The following CASC3 variants were observed in gnomAD, a reference collection of about 807,000 sequenced individuals.
The protein encoded by CASC3 is protein CASC3.
In CASC3, 30 loss-of-function variants were observed where a neutral mutation model predicts 80.5. The observed-to-expected ratio is 0.37, with a 90% confidence interval of 0.28 to 0.51. The LOEUF (loss-of-function observed/expected upper bound fraction) is 0.51. CASC3 is among the 20% of genes least tolerant of loss of function. CASC3 has a pLI of 0.94. For missense variants in CASC3, 824 were observed against 922.2 expected (o/e 0.89, Z 1.38); for synonymous variants, 312 against 333.6 (o/e 0.94, Z 0.70).
At chr17:40,153,468 A>G (rs1464867856) in intron 3 of CASC3, among the ~76,000 whole-genome samples, 1 of 152,148 alleles carries the variant, frequency 6.6e-6, no homozygotes, top group Non-Finnish European at 1.5e-5. Flanking sequence ...ATTAGTGTAC[A>G]TGTTTTTATG....
rs375799419 is a variant in CASC3 at position 40,141,250 on chromosome 17, T to C, written c.259+16T>C. 4 of 1,611,632 alleles carry C rather than the reference T, an allele frequency of 2.5e-6. No individual in the cohort carries two copies. The highest frequency in any genetic ancestry group is 3.4e-6 in the Non-Finnish European group (4 of 1,177,838). On this transcript the variant is annotated intron_variant, in intron 2 of 13. Transcript: ENST00000264645. The stretch of plus-strand genomic sequence containing the variant: ...GAAGGTGATGGTGAGTAGCATCTTT[T>C]ACCCCATTAGGACAAGAGTTTTTTT...
chr17:40,159,538 TTG>T (rs1477903534), intron 3 of CASC3, among the ~76,000 whole-genome samples: 2 of 146,098 alleles, frequency 1.4e-5, no homozygotes, highest in African/African-American at 2.6e-5. Flanking sequence ...CATCAGTTCA[TTG>T]TGTGTTTTTT....
In CASC3 at chr17:40,171,301, G is replaced by C; in HGVS notation, c.*896G>C. The C allele has an allele frequency of 2.0e-5, 20 of 985,920 alleles. No individual in the cohort carries two copies. Among genetic ancestry groups the C allele is most frequent in the Non-Finnish European group, 2.4e-5 (20 of 829,946 alleles). The allele number at this position is 985,920 out of a possible 1,614,324, so 61.1% of individuals were successfully genotyped here. A position where few individuals can be genotyped will look rare whatever the true frequency, so the allele number is the denominator to read the frequency against. ...GTGGAGTGAGAGCCTTTGCCTTTAGGGGTGTGTATTCACATAGTCCTCAGG... is the reference window on the plus strand; with the variant it reads ...GTGGAGTGAGAGCCTTTGCCTTTAGCGGTGTGTATTCACATAGTCCTCAGG... On this transcript the variant is annotated 3_prime_UTR_variant, in exon 14 of 14. Transcript: ENST00000264645.
Position 40,161,822 on chromosome 17 carries a change from G to C in CASC3, c.367G>C (p.Val123Leu), listed in dbSNP as rs367849617. Residue 123 changes from valine (V) to leucine (L), a missense_variant, in exon 4 of 14, where the codon GTT (valine) becomes CTT (leucine). Transcript: ENST00000264645. ...GCTGAAATCAGAAGCTAATGATGCTGTTAATTCTTCAACAAAAGAAGAGAA... is the reference window on the plus strand; with the variant it reads ...GCTGAAATCAGAAGCTAATGATGCTCTTAATTCTTCAACAAAAGAAGAGAA... Reference protein sequence around the residue: ...VELKSEANDAVNSSTKEEKGE... With the variant: ...VELKSEANDALNSSTKEEKGE... 1 of 1,614,120 alleles carries C rather than the reference G, an allele frequency of 6.2e-7. No individual in the cohort carries two copies. Among genetic ancestry groups the C allele is most frequent in the Non-Finnish European group, 8.5e-7 (1 of 1,179,972 alleles).
chr17:40,167,652 G>A (rs200113635), intron 9 of CASC3, 40 bp downstream of exon 9: 59 of 1,515,512 alleles, frequency 3.9e-5, no homozygotes, highest in Non-Finnish European at 5.2e-5. Flanking sequence ...TTCTTGGCAG[G>A]GTGAAGTGAA....
rs1048251022 is a variant in CASC3 at position 40,171,337 on chromosome 17, T to C, written c.*932T>C. 3.0e-6 allele frequency: 3 copies of C among 985,890 alleles called. No homozygotes were observed. The highest frequency in any genetic ancestry group is 3.6e-6 in the Non-Finnish European group (3 of 829,990). The allele number at this position is 985,890 out of a possible 1,614,324, so 61.1% of individuals were successfully genotyped here. A position where few individuals can be genotyped will look rare whatever the true frequency, so the allele number is the denominator to read the frequency against. ...CACATAGTCCTCAGGGCTCAGTCTT[T>C]TGAGGTAAGTGGAATTAGAGGGCCT... On this transcript the variant is annotated 3_prime_UTR_variant, in exon 14 of 14. Coordinates refer to ENST00000264645, the MANE Select transcript of CASC3 (RefSeq NM_007359.5).
chr17:40,143,875 GT>G (rs1219122764), intron 3 of CASC3, among the ~76,000 whole-genome samples: 1 of 151,898 alleles, frequency 6.6e-6, no homozygotes, highest in Non-Finnish European at 1.5e-5. Context: ...TAATTGAATT[GT>G]TTGTAACAAA....
chr17:40,167,324 G>C (rs533273202), intron 8 of CASC3, 174 bp from the exon 9 acceptor site: 1 of 597,058 alleles, frequency 1.7e-6, no homozygotes, highest in African/African-American at 1.9e-5. Context: ...TAAATGTAAG[G>C]TAGAAGGTTT....
intron 12 of CASC3, 48 bp downstream of exon 12, chr17:40,169,494 C>T (rs1175102771): frequency 1.3e-6 from 2 of 1,579,336 alleles, no homozygotes; most frequent in Non-Finnish European, 1.7e-6. Context: ...CGTCAGTGGG[C>T]TTTCCTTCTC....
At position 40,170,629 on chromosome 17, in the gene CASC3, C is replaced by T. The variant is rs1167085304; in HGVS notation, c.*224C>T. 20 of 985,466 alleles carry T rather than the reference C, an allele frequency of 2.0e-5. No homozygotes were observed. Among genetic ancestry groups the T allele is most frequent in the Non-Finnish European group, 2.4e-5 (20 of 829,956 alleles). 61.0% of individuals were successfully genotyped at this position (985,466 alleles called of 1,614,324 possible). ...TGGACCTCGTCCCATCTTCACTCTT[C>T]ACTTGAGTTGGCTGTGTTCGGGGGA... On this transcript the variant is annotated 3_prime_UTR_variant, in exon 14 of 14. Coordinates refer to ENST00000264645, the MANE Select transcript of CASC3 (RefSeq NM_007359.5).
In CASC3 at chr17:40,149,748, G is replaced by T. The variant is rs147480038; in HGVS notation, c.297+8141G>T. Among the ~76,000 whole-genome samples, 1,361 of 152,228 alleles carry T rather than the reference G, an allele frequency of 8.9e-3. 19 individuals are homozygous for T. Among genetic ancestry groups the T allele is most frequent in the African/African-American group, 0.031 (1,304 of 41,544 alleles). ...AAGCTGGGTGCGGTGGCTCACGCCT[G>T]TAATCCCGGCACTTTGGGAGGCCGA... On this transcript the variant is annotated intron_variant, in intron 3 of 13. Transcript: ENST00000264645.
intron 5 of CASC3, 118 bp from the exon 6 acceptor site, chr17:40,162,607 A>T (rs778436976): frequency 1.8e-5 from 16 of 873,822 alleles, no homozygotes; most frequent in Admixed American, 2.7e-5. Flanking sequence ...CTTTGGGATG[A>T]TGAGGAGACT....
In CASC3 at chr17:40,171,738, CCTT is replaced by C. The variant is rs1989598431; in HGVS notation, c.*1336_*1338del. 2.6e-6 allele frequency: 3 copies of C among 1,144,404 alleles called. No individual in the cohort carries two copies. The highest frequency in any genetic ancestry group is 3.9e-5 in the South Asian group (2 of 51,244). The allele number at this position is 1,144,404 out of a possible 1,614,324, so 70.9% of individuals were successfully genotyped here. ...GGGGTAACCTGGCCACTGTCCCTGTCCTTCTACAGAACCTGAGGGCAAAGATGG... is the reference window on the plus strand; with the variant it reads ...GGGGTAACCTGGCCACTGTCCCTGTCCTACAGAACCTGAGGGCAAAGATGG... On this transcript the variant is annotated 3_prime_UTR_variant, in exon 14 of 14. Transcript: ENST00000264645.
chr17:40,149,908 G>A (rs1567677973), intron 3 of CASC3, among the ~76,000 whole-genome samples: 2 of 150,920 alleles, frequency 1.3e-5, no homozygotes, highest in African/African-American at 2.4e-5. Flanking sequence ...GCGAGACTCC[G>A]TCTCAAAAAA....
Position 40,171,912 on chromosome 17 carries a change from C to T in CASC3, c.*1507C>T. 2.4e-6 allele frequency: 3 copies of T among 1,255,594 alleles called. No individual in the cohort carries two copies. The East Asian group carries it at 1.7e-4, about 70-fold the overall frequency. The allele number at this position is 1,255,594 out of a possible 1,614,324, so 77.8% of individuals were successfully genotyped here. A position where few individuals can be genotyped will look rare whatever the true frequency, so the allele number is the denominator to read the frequency against. On this transcript the variant is annotated 3_prime_UTR_variant, in exon 14 of 14. Transcript: ENST00000264645. ...CCAAGGAGGAAATAACTAAGAGATTCTTCTAGGGGTAGCTGGTGGTTGTGC... is the reference window on the plus strand; with the variant it reads ...CCAAGGAGGAAATAACTAAGAGATTTTTCTAGGGGTAGCTGGTGGTTGTGC...
At chr17:40,152,128 G>C (rs1361057401) in intron 3 of CASC3, among the ~76,000 whole-genome samples, 1 of 152,084 alleles carries the variant, frequency 6.6e-6, no homozygotes, top group Non-Finnish European at 1.5e-5. Flanking sequence ...TTTACAATAT[G>C]TTATTTATTT....
intron 3 of CASC3, among the ~76,000 whole-genome samples, chr17:40,142,036 G>A (rs1988731447): frequency 6.6e-6 from 1 of 152,126 alleles, no homozygotes; most frequent in African/African-American, 2.4e-5. Flanking sequence ...TTATAGGTGG[G>A]GATTTTTCTG....
intron 13 of CASC3, among the ~76,000 whole-genome samples, 176 bp from the exon 14 acceptor site, chr17:40,170,271 G>GA (rs1054067494): frequency 1.8e-4 from 27 of 152,282 alleles, no homozygotes; most frequent in Admixed American, 1.2e-3. Flanking sequence ...TGTTATAGCA[G>GA]AAAAAACCAG....
chr17:40,165,687 A>AG (rs1451374659), intron 7 of CASC3, among the ~76,000 whole-genome samples: 1 of 152,124 alleles, frequency 6.6e-6, no homozygotes, highest in Non-Finnish European at 1.5e-5. Context: ...CAGATTGCCC[A>AG]ATAGAACTTT....
Sources: allele counts gnomAD v4.1 joint callset (sites outside exome capture counted in the v4.1 genomes callset), GRCh38; gene constraint gnomAD v4.1.1; transcripts MANE v1.5; gene names NCBI Gene and HGNC (gene_info 2026-07-23, HGNC 2026-07-21).